Variants in DYSF observed in about 807,000 individuals in gnomAD.
DYSF encodes dystrophy-associated fer-1-like 1.
DYSF carries 212 observed loss-of-function variants against 274.9 expected under a neutral mutation model. The ratio of observed to expected loss-of-function variants is 0.77; its 90% CI spans 0.69 to 0.86. The LOEUF is 0.86. Ranked by LOEUF, DYSF falls within the 40% of genes least tolerant of loss-of-function variation. DYSF has a pLI of 0.00. For synonymous variants in DYSF, 1,091 were observed against 1,078.7 expected (o/e 1.01, Z -0.22); for missense variants, 2,666 against 2,783.2 (o/e 0.96, Z 0.95).
At chr2:71,570,998 C>T (rs2092389355) in intron 29 of DYSF, 1 of 529,654 alleles carries the variant, frequency 1.9e-6, no homozygotes, top group Admixed American at 3.3e-5. Context: ...ACAGATCACA[C>T]TGGGAACACC....
chr2:71,493,579 C>T (rs554033970), intron 3 of DYSF, among the ~76,000 whole-genome samples: 7 of 152,150 alleles, frequency 4.6e-5, no homozygotes, highest in Admixed American at 2.0e-4. Flanking sequence ...CAGCTGGGTG[C>T]GCTGGCTCAC....
intron 40 of DYSF, 93 bp from the exon 41 acceptor site, chr2:71,620,454 C>T: frequency 7.6e-7 from 1 of 1,319,304 alleles, no homozygotes; most frequent in East Asian, 2.5e-5. Context: ...GCAGAGGGTG[C>T]CTGGTCAGAG....
intron 3 of DYSF, among the ~76,000 whole-genome samples, chr2:71,501,166 T>C (rs1361909200): frequency 6.6e-6 from 1 of 152,034 alleles, no homozygotes; most frequent in Non-Finnish European, 1.5e-5. Context: ...TTCTAGAAAA[T>C]ATGGCTCCTA....
At chr2:71,620,896 G>T (rs1002430003) in intron 41 of DYSF, among the ~76,000 whole-genome samples, 2 of 152,056 alleles carry the variant, frequency 1.3e-5, no homozygotes, top group African/African-American at 2.4e-5. Context: ...CAGTGGAAGC[G>T]GGGAAATCTC....
intron 1 of DYSF, among the ~76,000 whole-genome samples, chr2:71,468,585 A>G (rs1211663913): frequency 1.3e-5 from 2 of 152,080 alleles, no homozygotes; most frequent in East Asian, 1.9e-4. Flanking sequence ...ATGCCTTACT[A>G]TTTATTTGCA....
chr2:71,636,931 G>A (rs1168242457), intron 41 of DYSF, among the ~76,000 whole-genome samples: 1 of 152,166 alleles, frequency 6.6e-6, no homozygotes, highest in Admixed American at 6.5e-5. Flanking sequence ...AGATGCTTCA[G>A]GGACAGAGGA....
chr2:71,620,864 G>C (rs2094080480), intron 41 of DYSF, among the ~76,000 whole-genome samples: 2 of 152,128 alleles, frequency 1.3e-5, no homozygotes, highest in African/African-American at 2.4e-5. Context: ...AGGGCTGGGG[G>C]CTTAGGTGGG....
At chr2:71,525,304 A>G (rs1183428282) in intron 12 of DYSF, among the ~76,000 whole-genome samples, 1 of 152,106 alleles carries the variant, frequency 6.6e-6, no homozygotes, top group African/African-American at 2.4e-5. Context: ...GGCTCACTGC[A>G]ACCTCTGCTT....
intron 32 of DYSF, among the ~76,000 whole-genome samples, chr2:71,598,363 T>C (rs1411567248): frequency 2.0e-5 from 3 of 152,152 alleles, no homozygotes; most frequent in Non-Finnish European, 2.9e-5. Context: ...AGGCTCCATG[T>C]CCCCACCGTG....
At chr2:71,646,506 A>G (rs1272629733) in intron 42 of DYSF, among the ~76,000 whole-genome samples, 3 of 152,236 alleles carry the variant, frequency 2.0e-5, no homozygotes, top group Non-Finnish European at 4.4e-5. Context: ...AGTAAATGGA[A>G]GAAAACCACC....
chr2:71,602,815 G>A lies in DYSF; in HGVS notation c.3957+10G>A. 13 of 1,612,986 alleles carry A rather than the reference G, an allele frequency of 8.1e-6. No individual in the cohort carries two copies. Among genetic ancestry groups the A allele is most frequent in the South Asian group, 1.1e-5 (1 of 90,850 alleles). On this transcript the variant is annotated intron_variant, in intron 36 of 55. Transcript: ENST00000410020. ...AAGGATCCTGGATGAGGTGAGCTGG[G>A]CGTGGTGGTTGGGATGGGTGGGCCG...
At chr2:71,673,228 C>A (rs139681607) in intron 51 of DYSF, among the ~76,000 whole-genome samples, 1 of 152,176 alleles carries the variant, frequency 6.6e-6, no homozygotes, top group African/African-American at 2.4e-5. Flanking sequence ...AACAAGACTG[C>A]GCTGGAAAGC....
chr2:71,585,839 G>T (rs2093048373), intron 30 of DYSF, among the ~76,000 whole-genome samples: 1 of 152,166 alleles, frequency 6.6e-6, no homozygotes, highest in African/African-American at 2.4e-5. Context: ...AGTGGTGAGT[G>T]CAGTGGCTGG....
chr2:71,538,589 C>T (rs576533420), intron 16 of DYSF, among the ~76,000 whole-genome samples: 17 of 152,320 alleles, frequency 1.1e-4, no homozygotes, highest in African/African-American at 3.6e-4. Context: ...GCTTGTTTCT[C>T]AAGGCTGTGT....
chr2:71,662,168 C>T (rs1479879527), intron 45 of DYSF, among the ~76,000 whole-genome samples: 1 of 152,246 alleles, frequency 6.6e-6, no homozygotes, highest in East Asian at 1.9e-4. Flanking sequence ...AGAAACCCTT[C>T]CATTCTATAA....
chr2:71,618,347 A>T (rs2093977419), intron 40 of DYSF, among the ~76,000 whole-genome samples: 1 of 2,950 alleles, frequency 3.4e-4, no homozygotes, highest in African/African-American at 1.9e-3. Context: ...TGTGTGGTAG[A>T]GGGGTGTGTG....
At position 71,552,924 on chromosome 2, in the gene DYSF, G is replaced by C; in HGVS notation, c.1807-87G>C. The C allele has an allele frequency of 2.1e-6, 3 of 1,430,930 alleles. No individual in the cohort carries two copies. In the Middle Eastern group the frequency reaches 5.2e-4, roughly 249 times the overall value. The allele number at this position is 1,430,930 out of a possible 1,614,324, so 88.6% of individuals were successfully genotyped here. A position where few individuals can be genotyped will look rare whatever the true frequency, so the allele number is the denominator to read the frequency against. On this transcript the variant is annotated intron_variant, in intron 19 of 55. Coordinates refer to ENST00000410020, the MANE Select transcript of DYSF (RefSeq NM_001130987.2). ...GAGCTATTGGGTGCCGGTTATGGCC[G>C]GGGCCTGCCAGACGTATGTCCCCTC...
At chr2:71,605,063 G>C (rs568281970) in intron 36 of DYSF, among the ~76,000 whole-genome samples, 1 of 152,270 alleles carries the variant, frequency 6.6e-6, no homozygotes, top group Admixed American at 6.5e-5. Flanking sequence ...ATGATGTCCG[G>C]GAGATCTGGG....
At chr2:71,539,132 G>T (rs753945200) in intron 16 of DYSF, 25 bp from the exon 17 acceptor site, 2 of 1,608,822 alleles carry the variant, frequency 1.2e-6, no homozygotes, top group Non-Finnish European at 1.7e-6. Context: ...CCTGTGTTCA[G>T]GCCCTCTCTG....
Sources: gnomAD v4.1 joint callset for allele counts (sites outside exome capture counted in the v4.1 genomes callset) on GRCh38, gnomAD v4.1.1 for gene constraint, MANE v1.5 for transcripts, NCBI Gene and HGNC (gene_info 2026-07-23, HGNC 2026-07-21) for gene names.